Variants in DOCK7 observed in about 807,000 individuals in gnomAD.
The protein encoded by DOCK7 is dedicator of cytokinesis 7.
In DOCK7, 138 loss-of-function variants were observed where a neutral mutation model predicts 271.0. That is an observed-to-expected ratio of 0.51 (90% confidence interval 0.44 to 0.59). The LOEUF (loss-of-function observed/expected upper bound fraction) is 0.59. Among genes scored for constraint, DOCK7 ranks in the 20% least tolerant of loss-of-function variants. The pLI, the probability that DOCK7 is intolerant of heterozygous loss-of-function variation, is 0.00. For synonymous variants in DOCK7, 823 were observed against 876.1 expected, an observed-to-expected ratio of 0.94 and a Z score of 1.07; for missense variants, 2,066 against 2,592.4, an observed-to-expected ratio of 0.80 and a Z score of 4.41.
chr1:62,663,203 A>C, intron 1 of DOCK7, 73 bp from the exon 2 acceptor site: 1 of 1,154,198 alleles, frequency 8.7e-7, no homozygotes. Context: ...AATGGAGGGA[A>C]GCTAAATACA....
In DOCK7 at chr1:62,460,098, C is replaced by CAAA. The variant is rs71053316; in HGVS notation, c.6213-2396_6213-2394dup. Reference sequence around the variant, plus strand: ...CTGGGTGACAGAGCAAGACTCGTCTCAAAAAAAAAAAAAAAAAAAAAAAAA... The same window carrying CAAA: ...CTGGGTGACAGAGCAAGACTCGTCTCAAAAAAAAAAAAAAAAAAAAAAAAAAAA... On this transcript the variant is annotated intron_variant, in intron 48 of 49. Transcript: ENST00000635253. 7.3e-4 allele frequency among the ~76,000 whole-genome samples: 48 copies of CAAA among 66,008 alleles called. 1 individual carries two copies. Among genetic ancestry groups the CAAA allele is most frequent in the East Asian group, 1.9e-3 (4 of 2,118 alleles). 43.3% of individuals were successfully genotyped at this position (66,008 alleles called of 152,430 possible).
At chr1:62,466,895 G>A (rs1443358966) in intron 48 of DOCK7, among the ~76,000 whole-genome samples, 2 of 151,896 alleles carry the variant, frequency 1.3e-5, no homozygotes, top group Non-Finnish European at 2.9e-5. Context: ...TCAAGCCTGG[G>A]TGACAGCGAG....
intron 7 of DOCK7, among the ~76,000 whole-genome samples, chr1:62,646,892 T>A (rs1656739676): frequency 6.6e-6 from 1 of 152,198 alleles, no homozygotes; most frequent in African/African-American, 2.4e-5. Flanking sequence ...TTATGATATA[T>A]AAATTAGATC....
At chr1:62,487,547 T>C (rs1272667188) in intron 42 of DOCK7, 135 bp from the exon 43 acceptor site, 8 of 728,124 alleles carry the variant, frequency 1.1e-5, no homozygotes, top group African/African-American at 3.5e-5. Context: ...AGCATATTCA[T>C]TTACTTAAGA....
In DOCK7 at chr1:62,604,231, T is replaced by C; in HGVS notation, c.1682+14475A>G. On this transcript the variant is annotated intron_variant, in intron 14 of 49. Transcript: ENST00000635253. ...GACACTTCAACTGTCCAGAGGGTTATTCAGGTATCTTTTTCTGATACCAAT... is the reference window on the plus strand; with the variant it reads ...GACACTTCAACTGTCCAGAGGGTTACTCAGGTATCTTTTTCTGATACCAAT... 1 of 1,613,132 alleles carries C rather than the reference T, an allele frequency of 6.2e-7. No homozygotes were observed. The highest frequency in any genetic ancestry group is 8.5e-7 in the Non-Finnish European group (1 of 1,179,260).
rs1662112452 is a variant in DOCK7, at chr1:62,688,377, C to G, written c.-113G>C. 2 of 642,444 alleles carry G rather than the reference C, an allele frequency of 3.1e-6. No homozygotes were observed. Among genetic ancestry groups the G allele is most frequent in the East Asian group, 1.0e-4 (2 of 19,572 alleles). 39.8% of individuals were successfully genotyped at this position (642,444 alleles called of 1,614,324 possible). A position where few individuals can be genotyped will look rare whatever the true frequency, so the allele number is the denominator to read the frequency against. ...CCCTCGCGGCCTCCGCCAGTCCGGGCTCCGGACCTGGGAGGCTGGGGCTGG... is the reference window on the plus strand; with the variant it reads ...CCCTCGCGGCCTCCGCCAGTCCGGGGTCCGGACCTGGGAGGCTGGGGCTGG... On this transcript the variant is annotated 5_prime_UTR_variant, in exon 1 of 50. Coordinates refer to ENST00000635253, the MANE Select transcript of DOCK7 (RefSeq NM_001367561.1).
intron 11 of DOCK7, chr1:62,627,601 C>T (rs900912586): frequency 2.6e-5 from 4 of 152,060 alleles, no homozygotes; most frequent in Admixed American, 2.6e-4. Flanking sequence ...TAGAAATGGA[C>T]TTTCTAAAGA....
At chr1:62,587,780 C>A (rs1647789214) in intron 14 of DOCK7, among the ~76,000 whole-genome samples, 1 of 152,044 alleles carries the variant, frequency 6.6e-6, no homozygotes, top group Admixed American at 6.6e-5. Flanking sequence ...TGTATAGTAA[C>A]ATTACCCTAT....
chr1:62,643,290 T>C (rs1268190622), intron 7 of DOCK7, among the ~76,000 whole-genome samples: 1 of 152,230 alleles, frequency 6.6e-6, no homozygotes, highest in African/African-American at 2.4e-5. Context: ...TGAGAAATAC[T>C]GAACATTTGT....
At chr1:62,675,418 C>A (rs975960144) in intron 1 of DOCK7, among the ~76,000 whole-genome samples, 11 of 152,090 alleles carry the variant, frequency 7.2e-5, no homozygotes, top group African/African-American at 2.4e-4. Flanking sequence ...TCAATCGATA[C>A]AAATGAGTAA....
At chr1:62,678,202 G>A (rs1660737358) in intron 1 of DOCK7, among the ~76,000 whole-genome samples, 1 of 152,102 alleles carries the variant, frequency 6.6e-6, no homozygotes, top group Non-Finnish European at 1.5e-5. Flanking sequence ...ATGTTGAATA[G>A]CAATGGTATC....
chr1:62,470,344 C>T (rs548955339), intron 48 of DOCK7, among the ~76,000 whole-genome samples: 1 of 152,100 alleles, frequency 6.6e-6, no homozygotes, highest in African/African-American at 2.4e-5. Flanking sequence ...TATGTTCTCA[C>T]TCATTAAGTG....
chr1:62,552,439 T>A (rs1352137832), intron 22 of DOCK7, among the ~76,000 whole-genome samples: 3 of 152,220 alleles, frequency 2.0e-5, no homozygotes, highest in Non-Finnish European at 4.4e-5. Flanking sequence ...TAATTCTATA[T>A]GAAATCAATC....
At chr1:62,592,614 A>T (rs2149513742) in intron 14 of DOCK7, among the ~76,000 whole-genome samples, 2 of 152,308 alleles carry the variant, frequency 1.3e-5, no homozygotes, top group South Asian at 4.1e-4. Flanking sequence ...GAAAGAGACA[A>T]ACTTAAAAAG....
intron 14 of DOCK7, chr1:62,602,164 C>T (rs1026012526): frequency 5.0e-6 from 4 of 799,764 alleles, no homozygotes; most frequent in Non-Finnish European, 8.1e-6. Flanking sequence ...AAATGTATTG[C>T]CATAACATTA....
chr1:62,599,185 A>G (rs1649743680), intron 14 of DOCK7, among the ~76,000 whole-genome samples: 1 of 152,090 alleles, frequency 6.6e-6, no homozygotes, highest in African/African-American at 2.4e-5. Context: ...CATTTCACTC[A>G]TATTGGCTCT....
intron 48 of DOCK7, among the ~76,000 whole-genome samples, chr1:62,470,065 T>C (rs1370754892): frequency 6.6e-6 from 1 of 152,124 alleles, no homozygotes; most frequent in Non-Finnish European, 1.5e-5. Context: ...GAACTACCAT[T>C]TGACAGTAAA....
intron 1 of DOCK7, 89 bp from the exon 2 acceptor site, chr1:62,663,219 G>C: frequency 9.9e-7 from 1 of 1,009,814 alleles, no homozygotes; most frequent in African/African-American, 1.6e-5. Flanking sequence ...ATACATTAAA[G>C]ATTCATTTAA....
chr1:62,559,712 T>C (rs1646261454), intron 19 of DOCK7, among the ~76,000 whole-genome samples: 1 of 152,136 alleles, frequency 6.6e-6, no homozygotes, highest in Admixed American at 6.6e-5. Flanking sequence ...TCTTTTCCCC[T>C]ACCTCACTGT....
Sources: gnomAD v4.1 joint callset for allele counts (sites outside exome capture counted in the v4.1 genomes callset) on GRCh38, gnomAD v4.1.1 for gene constraint, MANE v1.5 for transcripts, NCBI Gene and HGNC (gene_info 2026-07-23, HGNC 2026-07-21) for gene names.